The following MIB1 variants were observed in gnomAD, a reference collection of about 807,000 sequenced individuals.
MIB1 encodes MIB E3 ubiquitin protein ligase 1.
In MIB1, 278 loss-of-function variants were observed where a neutral mutation model predicts 124.5. That is an observed-to-expected ratio of 2.23 (90% confidence interval 2.02 to 2.47). The LOEUF (loss-of-function observed/expected upper bound fraction) is 2.47. MIB1 is among the 30% of genes most tolerant of loss of function. MIB1 has a pLI of 0.00. For missense variants in MIB1, 957 were observed against 1,254.4 expected (o/e 0.76, Z 3.58); for synonymous variants, 446 against 429.4 (o/e 1.04, Z -0.48).
chr18:21,846,942 A>G lies in MIB1; in HGVS notation c.2212-2A>G, dbSNP rs1431792599. On this transcript the variant is annotated splice_acceptor_variant, in intron 15 of 20. Transcript: ENST00000261537. LOFTEE classifies it high-confidence loss of function. ...AAATCATGACTCTTTATTTTATTGC[A>G]GTTAATAATGGGACTTGGTACCCAG... 1.9e-6 allele frequency: 3 copies of G among 1,611,846 alleles called. No homozygotes were observed. Among genetic ancestry groups the G allele is most frequent in the African/African-American group, 1.3e-5 (1 of 74,902 alleles).
At chr18:21,713,086 T>C (rs923439277) in intron 1 of MIB1, among the ~76,000 whole-genome samples, 1 of 152,082 alleles carries the variant, frequency 6.6e-6, no homozygotes, top group Non-Finnish European at 1.5e-5. Context: ...GCCTCCTGAG[T>C]AGCTGGGACT....
upstream of MIB1, among the ~76,000 whole-genome samples, chr18:21,740,785 C>T (rs918477885): frequency 1.2e-4 from 18 of 152,248 alleles, no homozygotes; most frequent in Admixed American, 4.6e-4. Flanking sequence ...CGCGCATGCG[C>T]ACTCTCCTTG....
chr18:21,747,253 A>C (rs982427355), intron 1 of MIB1, among the ~76,000 whole-genome samples: 3 of 152,220 alleles, frequency 2.0e-5, no homozygotes, highest in African/African-American at 4.8e-5. Flanking sequence ...AAGTCTATCT[A>C]GTTCTTAATA....
At chr18:21,716,940 C>T (rs1337921120) in intron 1 of MIB1, among the ~76,000 whole-genome samples, 1 of 152,060 alleles carries the variant, frequency 6.6e-6, no homozygotes, top group African/African-American at 2.4e-5. Context: ...AGAGACTTAC[C>T]TAACACAGAA....
chr18:21,732,458 A>C (rs1286337317), intron 1 of MIB1, among the ~76,000 whole-genome samples: 3 of 151,210 alleles, frequency 2.0e-5, no homozygotes, highest in African/African-American at 7.3e-5. Flanking sequence ...GTGCAGTAGC[A>C]TGATCTAGGC....
chr18:21,818,014 G>C (rs1568214091), intron 11 of MIB1, among the ~76,000 whole-genome samples: 1 of 152,146 alleles, frequency 6.6e-6, no homozygotes, highest in Non-Finnish European at 1.5e-5. Flanking sequence ...TTACTGCTAA[G>C]TCAATTGATT....
Position 21,791,504 on chromosome 18 carries a change from C to T in MIB1, c.1039C>T (p.Arg347Ter), listed in dbSNP as rs376597435. 5.3e-5 allele frequency: 86 copies of T among 1,613,804 alleles called. No individual in the cohort carries two copies. Among genetic ancestry groups the T allele is most frequent in the Middle Eastern group, 1.6e-4 (1 of 6,082 alleles). Reference protein sequence around the residue: ...DLVQVCYDLERIKLLQRGHGE... With the variant: ...DLVQVCYDLE ...TGTACAAGTTTGTTATGACCTGGAA[C>T]GAATTAAACTTCTACAAAGAGGACA... The change falls in exon 7 of 21, where the codon CGA becomes TGA. Residue 347 changes from arginine to a stop codon, truncating the protein, a stop_gained. Coordinates refer to ENST00000261537, the MANE Select transcript of MIB1 (RefSeq NM_020774.4). LOFTEE classifies it high-confidence loss of function.
intron 7 of MIB1, among the ~76,000 whole-genome samples, chr18:21,795,358 T>C (rs1275252896): frequency 7.0e-6 from 1 of 142,904 alleles, no homozygotes; most frequent in Non-Finnish European, 1.5e-5. Flanking sequence ...ATATAAATAA[T>C]ACATAATATA....
intron 6 of MIB1, among the ~76,000 whole-genome samples, chr18:21,783,097 T>C (rs1266539232): frequency 1.3e-5 from 2 of 152,174 alleles, no homozygotes; most frequent in Non-Finnish European, 2.9e-5. Flanking sequence ...TCCTGCTCTT[T>C]TTTGGTTTCC....
At chr18:21,863,222 C>T (rs546164926) in intron 20 of MIB1, among the ~76,000 whole-genome samples, 1 of 152,210 alleles carries the variant, frequency 6.6e-6, no homozygotes, top group Admixed American at 6.5e-5. Context: ...AGAGTGCTCT[C>T]TTAGTTCTGC....
chr18:21,823,227 GTATCAAAAAAAAAA>G (rs1341084862), intron 12 of MIB1, among the ~76,000 whole-genome samples: 1 of 47,230 alleles, frequency 2.1e-5, no homozygotes, highest in African/African-American at 7.9e-5. Flanking sequence ...GATCAAGACT[GTATCAAAAAAAAAA>G]AAAAAAAGAA....
chr18:21,730,441 G>A (rs755238000), intron 1 of MIB1, among the ~76,000 whole-genome samples: 5 of 152,158 alleles, frequency 3.3e-5, no homozygotes, highest in African/African-American at 9.7e-5. Flanking sequence ...GGTGGTGTGC[G>A]CCTGTAGTCC....
At chr18:21,774,774 C>T (rs2041261757) in intron 4 of MIB1, among the ~76,000 whole-genome samples, 1 of 151,628 alleles carries the variant, frequency 6.6e-6, no homozygotes, top group Non-Finnish European at 1.5e-5. Context: ...ATCCCAGTGT[C>T]CCCTTAATTT....
chr18:21,733,987 C>G (rs961080748), intron 1 of MIB1, among the ~76,000 whole-genome samples: 1 of 152,144 alleles, frequency 6.6e-6, no homozygotes, highest in East Asian at 1.9e-4. Context: ...CATTTAAAAA[C>G]TGCTGATTAC....
intron 4 of MIB1, among the ~76,000 whole-genome samples, chr18:21,777,510 A>G (rs910201937): frequency 6.6e-6 from 1 of 152,206 alleles, no homozygotes; most frequent in Non-Finnish European, 1.5e-5. Flanking sequence ...TTTATTAATT[A>G]TAAGCATTTT....
intron 1 of MIB1, among the ~76,000 whole-genome samples, chr18:21,743,925 C>G (rs2040884356): frequency 6.6e-6 from 1 of 151,954 alleles, no homozygotes; most frequent in Non-Finnish European, 1.5e-5. Context: ...TCAGAAGTAA[C>G]TGTTTTAGAA....
At chr18:21,826,041 T>C (rs964566821) in intron 12 of MIB1, 8 of 239,836 alleles carry the variant, frequency 3.3e-5, no homozygotes, top group African/African-American at 9.5e-5. Flanking sequence ...CTTTTTCTTT[T>C]TCTAATCTTG....
chr18:21,870,723 T>C lies in MIB1; in HGVS notation c.*6057T>C, dbSNP rs1473097802. On this transcript the variant is annotated 3_prime_UTR_variant, in exon 21 of 21. Transcript: ENST00000261537. ...TTATTGAGAGGTCATCTAGCTCCAG[T>C]TCAAAAGATTATGTATATCTGATGT... 1 of 152,202 alleles carries C rather than the reference T, an allele frequency of 6.6e-6. No individual in the cohort carries two copies. The highest frequency in any genetic ancestry group is 1.5e-5 in the Non-Finnish European group (1 of 68,026). 9.4% of individuals were successfully genotyped at this position (152,202 alleles called of 1,614,324 possible).
intron 10 of MIB1, among the ~76,000 whole-genome samples, chr18:21,811,156 A>G (rs1398120960): frequency 6.6e-6 from 1 of 152,184 alleles, no homozygotes; most frequent in Non-Finnish European, 1.5e-5. Flanking sequence ...AATGCAAACC[A>G]AAATGACAGT....
Sources: gnomAD v4.1 joint callset for allele counts (sites outside exome capture counted in the v4.1 genomes callset) on GRCh38, gnomAD v4.1.1 for gene constraint, MANE v1.5 for transcripts, NCBI Gene and HGNC (gene_info 2026-07-23, HGNC 2026-07-21) for gene names.